The following ASB18 variants were observed in gnomAD, a reference collection of about 807,000 sequenced individuals.
ASB18 encodes ankyrin repeat and SOCS box containing 18.
ASB18 carries 33 observed loss-of-function variants against 33.4 expected under a neutral mutation model. That is an observed-to-expected ratio of 0.99 (90% CI 0.75 to 1.32). ASB18 has a LOEUF of 1.32. Among genes scored for constraint, ASB18 ranks in the 40% most tolerant of loss-of-function variants. ASB18 has a pLI of 0.00. For synonymous variants in ASB18, 295 were observed against 307.6 expected, an observed-to-expected ratio of 0.96 and a Z score of 0.43; for missense variants, 694 against 655.5, an observed-to-expected ratio of 1.06 and a Z score of -0.64.
rs2060494915 is a variant in ASB18 at position 236,217,909 on chromosome 2, G to A, written c.597-3043C>T. Among the ~76,000 whole-genome samples, 3 of 152,358 alleles carry A rather than the reference G, an allele frequency of 2.0e-5. No individual in the cohort carries two copies. The highest frequency in any genetic ancestry group is 1.9e-4 in the East Asian group (1 of 5,196). ...GCTTCTCTGGGAGGAATTTTGAACA[G>A]TGCAGCAGGACGTTAGAAATCAAGG... On this transcript the variant is annotated intron_variant, in intron 3 of 5. Coordinates refer to ENST00000409749, the MANE Select transcript of ASB18 (RefSeq NM_212556.4). The surrounding 1 kb of genome is among the most constrained non-coding windows in gnomAD (Gnocchi z 5.2).
rs2060416413 is a variant in ASB18, at chr2:236,203,444, CGGAAATGAAACA to C, written c.1102-7071_1102-7060del. 6.6e-6 allele frequency among the ~76,000 whole-genome samples: 1 copy of C among 151,920 alleles called. No individual in the cohort carries two copies. The highest frequency in any genetic ancestry group is 2.1e-4 in the South Asian group (1 of 4,816). ...GCATGAGTCTGACATGGGGAGTGCT[CGGAAATGAAACA>C]GGAGAGGAAAGCAGGGAAGACCATG... On this transcript the variant is annotated intron_variant, in intron 4 of 5. Coordinates refer to ENST00000409749, the MANE Select transcript of ASB18 (RefSeq NM_212556.4). The surrounding 1 kb of genome is among the most constrained non-coding windows in gnomAD (Gnocchi z 6.0).
chr2:236,198,197 A>T (rs1310574041), intron 4 of ASB18, among the ~76,000 whole-genome samples: 1 of 152,194 alleles, frequency 6.6e-6, no homozygotes, highest in Non-Finnish European at 1.5e-5. Context: ...AAAAATTCAT[A>T]TTCCTCTGGC....
At position 236,264,099 on chromosome 2, in the gene ASB18, T is replaced by C; in HGVS notation, c.205+42A>G. 3.8e-6 allele frequency: 6 copies of C among 1,578,206 alleles called. No individual in the cohort carries two copies. The highest frequency in any genetic ancestry group is 5.2e-6 in the Non-Finnish European group (6 of 1,151,500). ...GATCTGCCCACCCCATCAGTGTAACTTAGTAATTAAATCCCAGATGCAGCA... is the reference window on the plus strand; with the variant it reads ...GATCTGCCCACCCCATCAGTGTAACCTAGTAATTAAATCCCAGATGCAGCA... On this transcript the variant is annotated intron_variant, in intron 1 of 5. Transcript: ENST00000409749. The surrounding 1 kb of genome is among the most constrained non-coding windows in gnomAD (Gnocchi z 5.1).
rs188808035 is a variant in ASB18 at position 236,220,159 on chromosome 2, C to G, written c.597-5293G>C. On this transcript the variant is annotated intron_variant, in intron 3 of 5. Coordinates refer to ENST00000409749, the MANE Select transcript of ASB18 (RefSeq NM_212556.4). The surrounding 1 kb of genome is among the most constrained non-coding windows in gnomAD (Gnocchi z 5.1). The stretch of plus-strand genomic sequence containing the variant: ...CTGTTGAATCAATGTCATTCCAATT[C>G]ATGTCTATGGGGTGGGGGGATGTGG... Among the ~76,000 whole-genome samples, 1 of 152,316 alleles carries G rather than the reference C, an allele frequency of 6.6e-6. No individual in the cohort carries two copies. Among genetic ancestry groups the G allele is most frequent in the Non-Finnish European group, 1.5e-5 (1 of 68,026 alleles).
chr2:236,227,742 A>G (rs932379674), intron 3 of ASB18, among the ~76,000 whole-genome samples: 1 of 152,092 alleles, frequency 6.6e-6, no homozygotes, highest in South Asian at 2.1e-4. Flanking sequence ...TGGTTGGCTT[A>G]TGTCCTTTAA....
rs916928449 is a variant in ASB18 at position 236,221,754 on chromosome 2, T to C, written c.597-6888A>G. ...TGAGCTCCCTCTCCTGTTCTCCTTA[T>C]GTGACTGCTCCTGGAATCCCTTCTG... On this transcript the variant is annotated intron_variant, in intron 3 of 5. Coordinates refer to ENST00000409749, the MANE Select transcript of ASB18 (RefSeq NM_212556.4). This position sits in a 1 kb window ranked among gnomAD's most constrained non-coding sequence, Gnocchi z 5.6. Among the ~76,000 whole-genome samples, 3 of 152,200 alleles carry C rather than the reference T, an allele frequency of 2.0e-5. No homozygotes were observed. The highest frequency in any genetic ancestry group is 4.8e-5 in the African/African-American group (2 of 41,462).
At chr2:236,232,750 A>G (rs1156282247) in intron 3 of ASB18, among the ~76,000 whole-genome samples, 2 of 152,090 alleles carry the variant, frequency 1.3e-5, no homozygotes, top group East Asian at 1.9e-4. Flanking sequence ...AAAAGAAATA[A>G]TCTGAGTAGC....
chr2:236,236,837 C>T (rs931244081), intron 3 of ASB18, among the ~76,000 whole-genome samples: 14 of 152,192 alleles, frequency 9.2e-5, no homozygotes, highest in Non-Finnish European at 8.8e-5. Context: ...CCTTAATCTT[C>T]CCCCAGAGAC....
rs2060602819 is a variant in ASB18, at chr2:236,237,885, C to T, written c.400G>A (p.Ala134Thr). The part of the protein sequence containing the change: ...LCIAAAHGHT[A>T]CVRHLLGRGA... ...CGGCCGAGCAGGTGTCGCACGCAGG[C>T]GGTGTGGCCGTGGGCCGCGGCGATG... The change falls in exon 3 of 6, where the codon GCC (alanine) becomes ACC (threonine). Residue 134 changes from alanine (A) to threonine (T), a missense_variant. Transcript: ENST00000409749. The surrounding 1 kb of genome is among the most constrained non-coding windows in gnomAD (Gnocchi z 6.2). 2.7e-6 allele frequency: 4 copies of T among 1,491,104 alleles called. No homozygotes were observed. Among genetic ancestry groups the T allele is most frequent in the Admixed American group, 4.5e-5 (2 of 44,790 alleles). The allele number at this position is 1,491,104 out of a possible 1,614,324, so 92.4% of individuals were successfully genotyped here. A position where few individuals can be genotyped will look rare whatever the true frequency, so the allele number is the denominator to read the frequency against.
Position 236,264,238 on chromosome 2 carries a change from G to T in ASB18, c.108C>A (p.Ile36=), listed in dbSNP as rs188673979. 4 of 1,613,932 alleles carry T rather than the reference G, an allele frequency of 2.5e-6. No individual in the cohort carries two copies. In the South Asian group the frequency reaches 3.3e-5, roughly 13 times the overall value. ...AKDEERVRDL[I]CTEITPVDAV... ...CGTCCACAGGCGTGATTTCAGTGCA[G>T]ATTAAATCCCTCACTCTCTCCTCAT... The change falls in exon 1 of 6, where the codon ATC becomes ATA. Residue 36 remains isoleucine, a synonymous_variant. Transcript: ENST00000409749. This position sits in a 1 kb window ranked among gnomAD's most constrained non-coding sequence, Gnocchi z 5.1.
chr2:236,254,790 T>A (rs1348848942), intron 1 of ASB18, among the ~76,000 whole-genome samples: 1 of 152,088 alleles, frequency 6.6e-6, no homozygotes, highest in Non-Finnish European at 1.5e-5. Flanking sequence ...TGATCGGGTT[T>A]GGATTTGTGT....
rs2060513938 is a variant in ASB18 at position 236,221,745 on chromosome 2, T to G, written c.597-6879A>C. ...GGGCAATCCTGAGCTCCCTCTCCTGTTCTCCTTATGTGACTGCTCCTGGAA... is the reference window on the plus strand; with the variant it reads ...GGGCAATCCTGAGCTCCCTCTCCTGGTCTCCTTATGTGACTGCTCCTGGAA... On this transcript the variant is annotated intron_variant, in intron 3 of 5. Transcript: ENST00000409749. This position sits in a 1 kb window ranked among gnomAD's most constrained non-coding sequence, Gnocchi z 5.6. Among the ~76,000 whole-genome samples, 1 of 152,302 alleles carries G rather than the reference T, an allele frequency of 6.6e-6. No homozygotes were observed. Among genetic ancestry groups the G allele is most frequent in the South Asian group, 2.1e-4 (1 of 4,814 alleles).
Position 236,220,366 on chromosome 2 carries a change from G to A in ASB18, c.597-5500C>T, listed in dbSNP as rs2060505320. Among the ~76,000 whole-genome samples, 1 of 152,112 alleles carries A rather than the reference G, an allele frequency of 6.6e-6. No individual in the cohort carries two copies. Among genetic ancestry groups the A allele is most frequent in the South Asian group, 2.1e-4 (1 of 4,826 alleles). On this transcript the variant is annotated intron_variant, in intron 3 of 5. Transcript: ENST00000409749. This position sits in a 1 kb window ranked among gnomAD's most constrained non-coding sequence, Gnocchi z 5.1. ...CTGCTCCCACCTGTCTCAGCTGCCT[G>A]CCAAGCCTCCATGCTCCCTGCATGC...
Position 236,264,376 on chromosome 2 carries a change from T to C in ASB18, c.-31A>G. 1 of 1,593,574 alleles carries C rather than the reference T, an allele frequency of 6.3e-7. No homozygotes were observed. The highest frequency in any genetic ancestry group is 8.6e-7 in the Non-Finnish European group (1 of 1,161,564). On this transcript the variant is annotated 5_prime_UTR_variant, in exon 1 of 6. Coordinates refer to ENST00000409749, the MANE Select transcript of ASB18 (RefSeq NM_212556.4). The surrounding 1 kb of genome is among the most constrained non-coding windows in gnomAD (Gnocchi z 5.1). Reference sequence around the variant, plus strand: ...CGTCGTTTCTGCAGTGACCAGCCCTTCTTTTCTTCCTCTAAAGCGACTCCA... The same window carrying C: ...CGTCGTTTCTGCAGTGACCAGCCCTCCTTTTCTTCCTCTAAAGCGACTCCA...
intron 4 of ASB18, among the ~76,000 whole-genome samples, chr2:236,199,796 T>A (rs1576392831): frequency 6.6e-6 from 1 of 150,616 alleles, no homozygotes; most frequent in South Asian, 2.1e-4. Context: ...GTTTTTTTTT[T>A]AATACTTGGG....
At chr2:236,246,618 T>C (rs115794429) in intron 1 of ASB18, among the ~76,000 whole-genome samples, 39,324 of 151,754 alleles carry the variant, frequency 0.26, 7,719 homozygotes, top group African/African-American at 0.56. Flanking sequence ...GAGCCTTCGT[T>C]GGAGATCAAA....
chr2:236,223,987 C>T lies in ASB18; in HGVS notation c.597-9121G>A, dbSNP rs13419142. 0.38 allele frequency among the ~76,000 whole-genome samples: 58,217 copies of T among 151,860 alleles called. 11,688 individuals are homozygous for T. Among genetic ancestry groups the T allele is most frequent in the African/African-American group, 0.51 (21,316 of 41,400 alleles). On this transcript the variant is annotated intron_variant, in intron 3 of 5. Coordinates refer to ENST00000409749, the MANE Select transcript of ASB18 (RefSeq NM_212556.4). This position sits in a 1 kb window ranked among gnomAD's most constrained non-coding sequence, Gnocchi z 4.6. ...CTATTATAAATAAAGCTTCTATGAACGTTTTTGTATAAGTCTTCCTGGGGA... is the reference window on the plus strand; with the variant it reads ...CTATTATAAATAAAGCTTCTATGAATGTTTTTGTATAAGTCTTCCTGGGGA...
chr2:236,197,976 T>G (rs1341510450), intron 4 of ASB18, among the ~76,000 whole-genome samples: 1 of 152,204 alleles, frequency 6.6e-6, no homozygotes, highest in Non-Finnish European at 1.5e-5. Flanking sequence ...TATGCAACTT[T>G]TCTAAGCCCA....
chr2:236,196,932 T>C lies in ASB18; in HGVS notation c.1102-547A>G, dbSNP rs1013560116. Among the ~76,000 whole-genome samples, 1 of 152,228 alleles carries C rather than the reference T, an allele frequency of 6.6e-6. No homozygotes were observed. On this transcript the variant is annotated intron_variant, in intron 4 of 5. Coordinates refer to ENST00000409749, the MANE Select transcript of ASB18 (RefSeq NM_212556.4). The surrounding 1 kb of genome is among the most constrained non-coding windows in gnomAD (Gnocchi z 5.6). ...TCCTATTGCCTTATTCACAAATTTA[T>C]AATTCAAGTCCATTAGCTTCACCAT...
Sources: allele counts gnomAD v4.1 joint callset (sites outside exome capture counted in the v4.1 genomes callset), GRCh38; gene constraint gnomAD v4.1.1; non-coding constraint Gnocchi (gnomAD v3.1); transcripts MANE v1.5; gene names NCBI Gene and HGNC (gene_info 2026-07-23, HGNC 2026-07-21).